The following MSN variants were observed in gnomAD, a reference collection of about 807,000 sequenced individuals.
MSN encodes moesin.
In MSN, 2 loss-of-function variants were observed where a neutral mutation model predicts 48.0. That is an observed-to-expected ratio of 0.04 (90% CI 0.02 to 0.13). MSN has a LOEUF of 0.13. MSN is among the 10% of genes least tolerant of loss of function. The probability of loss-of-function intolerance (pLI) is 1.00; values close to 1 mark genes in which losing one functional copy is unlikely to be tolerated. For missense variants in MSN, 267 were observed against 470.1 expected, an observed-to-expected ratio of 0.57 and a Z score of 3.99; for synonymous variants, 146 against 166.9, an observed-to-expected ratio of 0.87 and a Z score of 0.97.
intron 1 of MSN, among the ~76,000 whole-genome samples, chrX:65,646,327 T>G (rs956975759): frequency 1.6e-4 from 18 of 112,159 alleles, no homozygotes; most frequent in Non-Finnish European, 3.4e-4. Context: ...TTTAAAGTTG[T>G]GTTTATTTAA....
intron 1 of MSN, among the ~76,000 whole-genome samples, chrX:65,655,220 T>A (rs1453210646): frequency 9.0e-6 from 1 of 111,255 alleles, no homozygotes; most frequent in Non-Finnish European, 1.9e-5. Context: ...AATAATAAAG[T>A]CAGATAGGCT....
chrX:65,613,620 C>T (rs924476564), intron 1 of MSN, among the ~76,000 whole-genome samples: 3 of 112,049 alleles, frequency 2.7e-5, no homozygotes, highest in Non-Finnish European at 3.8e-5. Context: ...CTCTAATGAC[C>T]GGTGATGATG....
chrX:65,660,489 CCTGATTGCT>C (rs1411428689), intron 1 of MSN, among the ~76,000 whole-genome samples: 1 of 110,978 alleles, frequency 9.0e-6, no homozygotes, highest in Non-Finnish European at 1.9e-5. Context: ...CTTTATCTTG[CCTGATTGCT>C]CTGGCCAGGA....
chrX:65,681,521 A>C (rs1288382497), intron 1 of MSN, among the ~76,000 whole-genome samples: 1 of 112,015 alleles, frequency 8.9e-6, no homozygotes, highest in Non-Finnish European at 1.9e-5. Flanking sequence ...GTAATAGAGA[A>C]AATACACCTT....
At chrX:65,656,403 G>T (rs996546880) in intron 1 of MSN, among the ~76,000 whole-genome samples, 16 of 110,349 alleles carry the variant, frequency 1.4e-4, no homozygotes, top group African/African-American at 4.9e-4. Flanking sequence ...GAGGCAATGT[G>T]AAGGGGAATG....
chrX:65,649,844 C>T (rs1017579692), intron 1 of MSN, among the ~76,000 whole-genome samples: 3 of 106,969 alleles, frequency 2.8e-5, no homozygotes, highest in African/African-American at 3.4e-5. Flanking sequence ...AAAAATAACA[C>T]GTGAAACAGA....
intron 1 of MSN, among the ~76,000 whole-genome samples, chrX:65,654,250 C>T (rs1174519479): frequency 3.7e-5 from 4 of 108,339 alleles, no homozygotes; most frequent in East Asian, 2.9e-4. Context: ...GGACTACAGG[C>T]GCCCACCACC....
intron 1 of MSN, among the ~76,000 whole-genome samples, chrX:65,635,825 A>G (rs961438707): frequency 8.9e-6 from 1 of 112,058 alleles, no homozygotes; most frequent in African/African-American, 3.2e-5. Context: ...GAAGGGATGA[A>G]TAACATGTGC....
At chrX:65,724,708 A>C (rs1451269973) in intron 2 of MSN, among the ~76,000 whole-genome samples, 1 of 104,346 alleles carries the variant, frequency 9.6e-6, no homozygotes, top group South Asian at 3.8e-4. Context: ...TTTGTTTTTG[A>C]CAGTGTCTTG....
chrX:65,628,068 G>T (rs979802460), intron 1 of MSN, among the ~76,000 whole-genome samples: 1 of 112,421 alleles, frequency 8.9e-6, no homozygotes, highest in Non-Finnish European at 1.9e-5. Context: ...GCTTTGCAGG[G>T]TACAGCCTCC....
chrX:65,697,612 G>C (rs777634624), intron 1 of MSN, among the ~76,000 whole-genome samples: 4 of 111,782 alleles, frequency 3.6e-5, no homozygotes, highest in Non-Finnish European at 7.5e-5. Context: ...ATTTAAATCA[G>C]GGTGCTTTAG....
At chrX:65,694,051 T>C (rs2071203348) in intron 1 of MSN, among the ~76,000 whole-genome samples, 1 of 105,704 alleles carries the variant, frequency 9.5e-6, no homozygotes, top group Non-Finnish European at 1.9e-5. Context: ...AGACTCCATC[T>C]CAAACAAACA....
At chrX:65,664,862 G>T (rs2070855186), upstream of MSN, among the ~76,000 whole-genome samples, 1 of 108,563 alleles carries the variant, frequency 9.2e-6, no homozygotes, top group African/African-American at 3.4e-5. Context: ...TAATTCTCCT[G>T]CCTCAGCCTC....
In MSN at chrX:65,626,897, G is replaced by T. The variant is rs538656505; in HGVS notation, c.-22+38285G>T. 5.4e-5 allele frequency among the ~76,000 whole-genome samples: 6 copies of T among 111,898 alleles called. 1 individual carries two copies. The highest frequency in any genetic ancestry group is 8.4e-3 in the Middle Eastern group (2 of 239). Reference sequence around the variant, plus strand: ...ACACTATGATTTGTGATTAATACCTGCTATGCTATTCCTGGAACCAGGGAT... The same window carrying T: ...ACACTATGATTTGTGATTAATACCTTCTATGCTATTCCTGGAACCAGGGAT... On this transcript the variant is annotated intron_variant, in intron 1 of 3. Transcript: ENST00000609672.
chrX:65,712,756 A>T (rs1168452966), intron 1 of MSN, among the ~76,000 whole-genome samples: 1 of 111,662 alleles, frequency 9.0e-6, no homozygotes, highest in African/African-American at 3.3e-5. Flanking sequence ...TAGTCTTCAT[A>T]AAGATTTTGT....
chrX:65,635,153 C>T (rs2070589157), intron 1 of MSN, among the ~76,000 whole-genome samples: 2 of 111,329 alleles, frequency 1.8e-5, no homozygotes, highest in South Asian at 3.8e-4. Flanking sequence ...TCCTTCTTTG[C>T]CCCAGTCTCT....
chrX:65,617,767 C>G (rs2070390291), intron 1 of MSN, among the ~76,000 whole-genome samples: 1 of 103,634 alleles, frequency 9.6e-6, no homozygotes, highest in Non-Finnish European at 2.0e-5. Context: ...TGTGTTTGCT[C>G]TTGCTTTTCT....
intron 4 of MSN, 21 bp downstream of exon 4, chrX:65,729,733 C>T (rs1410306003): frequency 8.3e-7 from 1 of 1,201,930 alleles, no homozygotes; most frequent in Non-Finnish European, 1.1e-6. Context: ...TCCCTGCCCT[C>T]CTTTGCCTTG....
At chrX:65,738,275 A>G (rs185553131) in intron 10 of MSN, among the ~76,000 whole-genome samples, 48 of 111,923 alleles carry the variant, frequency 4.3e-4, no homozygotes, top group African/African-American at 1.4e-3. Flanking sequence ...GATAATGAGG[A>G]AGGGACAGAG....
Sources: gnomAD v4.1 joint callset for allele counts (sites outside exome capture counted in the v4.1 genomes callset) on GRCh38, gnomAD v4.1.1 for gene constraint, MANE v1.5 for transcripts, NCBI Gene and HGNC (gene_info 2026-07-23, HGNC 2026-07-21) for gene names.